The following TERF1 variants were observed in gnomAD, a reference collection of about 807,000 sequenced individuals.
The protein encoded by TERF1 is telomeric repeat-binding factor 1.
TERF1 carries 20 observed loss-of-function variants against 55.1 expected under a neutral mutation model. That is an observed-to-expected ratio of 0.36 (90% CI 0.26 to 0.53). The LOEUF (loss-of-function observed/expected upper bound fraction) is 0.53, where lower values mean the gene tolerates loss of function less well. TERF1 is among the 20% of genes least tolerant of loss of function. The probability of loss-of-function intolerance (pLI) is 0.91; values close to 1 mark genes in which losing one functional copy is unlikely to be tolerated. For synonymous variants in TERF1, 168 were observed against 181.2 expected (o/e 0.93, Z 0.59); for missense variants, 439 against 535.7 (o/e 0.82, Z 1.78).
intron 8 of TERF1, among the ~76,000 whole-genome samples, chr8:73,037,716 T>TTATATAGTATAA (rs1563471929): frequency 1.0e-4 from 9 of 88,374 alleles, no homozygotes; most frequent in African/African-American, 3.5e-4. Flanking sequence ...ATATTATATA[T>TTATATAGTATAA]AATATATATT....
intron 8 of TERF1, among the ~76,000 whole-genome samples, chr8:73,037,085 A>G (rs1809550430): frequency 7.4e-6 from 1 of 135,792 alleles, no homozygotes; most frequent in South Asian, 2.1e-4. Context: ...TATACTACAT[A>G]TAATATATAT....
chr8:73,034,121 T>TTTTG lies in TERF1; in HGVS notation c.1039+2012_1039+2015dup, dbSNP rs146008426. On this transcript the variant is annotated intron_variant, in intron 8 of 9. Coordinates refer to ENST00000276603, the MANE Select transcript of TERF1 (RefSeq NM_017489.3). ...CACATGCCGCCACACCCTGCTATTTTTTTGTTTGTTTGTTTGTTTGTTTGT... is the reference window on the plus strand; with the variant it reads ...CACATGCCGCCACACCCTGCTATTTTTTTGTTTGTTTGTTTGTTTGTTTGTTTGT... Among the ~76,000 whole-genome samples the TTTTG allele has an allele frequency of 8.6e-5, 13 of 150,404 alleles. 1 individual carries two copies. The highest frequency in any genetic ancestry group is 2.0e-4 in the Admixed American group (3 of 15,140).
intron 8 of TERF1, 83 bp downstream of exon 8, chr8:73,032,216 A>G (rs1369167115): frequency 1.1e-6 from 1 of 911,550 alleles, no homozygotes; most frequent in Non-Finnish European, 1.6e-6. Context: ...CACTATAGCA[A>G]AAAAACACAC....
chr8:73,025,790 G>GGT (rs1815839460), intron 5 of TERF1, among the ~76,000 whole-genome samples: 1 of 150,204 alleles, frequency 6.7e-6, no homozygotes, highest in South Asian at 2.1e-4. Context: ...AGCTGGGCAT[G>GGT]GTGGCATACA....
intron 6 of TERF1, among the ~76,000 whole-genome samples, chr8:73,028,486 C>G (rs1294015643): frequency 2.0e-5 from 3 of 152,014 alleles, no homozygotes; most frequent in Non-Finnish European, 2.9e-5. Flanking sequence ...TTAGATCACT[C>G]CCAGCTTAAA....
chr8:73,037,627 TATATATAAC>T (rs1809601410), intron 8 of TERF1, among the ~76,000 whole-genome samples: 1 of 102,124 alleles, frequency 9.8e-6, no homozygotes, highest in African/African-American at 4.1e-5. Context: ...TATTATATAT[TATATATAAC>T]ATATATAATA....
intron 4 of TERF1, among the ~76,000 whole-genome samples, chr8:73,022,658 A>C (rs548264834): frequency 6.6e-6 from 1 of 152,244 alleles, no homozygotes; most frequent in African/African-American, 2.4e-5. Flanking sequence ...TTAAAAAAGT[A>C]AAAAGAGGCC....
rs3832552 is a variant in TERF1, at chr8:73,009,048, CGAG to C, written c.186_188del (p.Glu62del). On this transcript the variant is annotated inframe_deletion, in exon 1 of 10. Coordinates refer to ENST00000276603, the MANE Select transcript of TERF1 (RefSeq NM_017489.3). Reference sequence around the variant, plus strand: ...AGTGCCAGGTGCAGGTGGGGGCCCCCGAGGAGGAGGAGGAGGAGGAGGAGGACG... The same window carrying C: ...AGTGCCAGGTGCAGGTGGGGGCCCCCGAGGAGGAGGAGGAGGAGGAGGACG... 8,447 of 1,438,948 alleles carry C rather than the reference CGAG, an allele frequency of 5.9e-3. No individual in the cohort carries two copies. Among genetic ancestry groups the C allele is most frequent in the Admixed American group, 0.018 (954 of 51,592 alleles). 89.1% of individuals were successfully genotyped at this position (1,438,948 alleles called of 1,614,324 possible). A position where few individuals can be genotyped will look rare whatever the true frequency, so the allele number is the denominator to read the frequency against.
At chr8:73,036,992 A>G (rs1809541226) in intron 8 of TERF1, among the ~76,000 whole-genome samples, 1 of 140,234 alleles carries the variant, frequency 7.1e-6, no homozygotes, top group Admixed American at 7.5e-5. Flanking sequence ...TTAATGGCCC[A>G]CAGTATGGTT....
chr8:73,025,070 T>G, intron 5 of TERF1, 99 bp downstream of exon 5: 1 of 788,546 alleles, frequency 1.3e-6, no homozygotes, highest in Non-Finnish European at 1.8e-6. Context: ...TTAATCAGAA[T>G]TTTTCATTGT....
intron 9 of TERF1, among the ~76,000 whole-genome samples, chr8:73,044,913 A>ATC (rs1809973897): frequency 6.6e-6 from 1 of 152,120 alleles, no homozygotes; most frequent in Admixed American, 6.6e-5. Context: ...AATTTTGTTT[A>ATC]TCCATTTATC....
intron 2 of TERF1, among the ~76,000 whole-genome samples, chr8:73,018,009 A>T (rs1002988587): frequency 6.6e-6 from 1 of 152,068 alleles, no homozygotes; most frequent in East Asian, 1.9e-4. Context: ...GCGCCTGGCC[A>T]TGCATCAATA....
chr8:73,024,841 T>G lies in TERF1; in HGVS notation c.644T>G (p.Leu215Arg), dbSNP rs549966818. ...CTTTAGCCTTTCAAAAGCAAATTGC[T>G]TATGATAATCTCTCAGAAAGATACA... ...NSHMPFKSKLLMIISQKDTFH... is the reference protein window; with the variant it reads ...NSHMPFKSKLRMIISQKDTFH... Residue 215 changes from leucine to arginine, a missense_variant, in exon 5 of 10, where the codon CTT (leucine) becomes CGT (arginine). Around this residue, in one of 4 missense-constraint regions of TERF1, gnomAD observed 95 missense variants for 167.2 expected, o/e 0.57. Coordinates refer to ENST00000276603, the MANE Select transcript of TERF1 (RefSeq NM_017489.3). 9.5e-6 allele frequency: 15 copies of G among 1,585,804 alleles called. No individual in the cohort carries two copies. In the South Asian group the frequency reaches 1.6e-4, roughly 17 times the overall value.
chr8:73,022,971 A>G (rs1279640675), intron 4 of TERF1, among the ~76,000 whole-genome samples: 2 of 152,194 alleles, frequency 1.3e-5, no homozygotes, highest in Non-Finnish European at 2.9e-5. Context: ...GTATTTGCAT[A>G]TAACATATGT....
In TERF1 at chr8:73,013,036, G is replaced by A. The variant is rs565529550; in HGVS notation, c.320-859G>A. ...GTGTATGGTCCAGATAATCTCTGGT[G>A]TAGCATAAGATTATGTTAGAATTGA... is the stretch of plus-strand genomic sequence containing the variant. On this transcript the variant is annotated intron_variant, in intron 1 of 9. Transcript: ENST00000276603. 3.3e-4 allele frequency: 137 copies of A among 410,498 alleles called. 4 individuals are homozygous for A. The highest frequency in any genetic ancestry group is 2.4e-3 in the South Asian group (137 of 57,578). The allele number at this position is 410,498 out of a possible 1,614,324, so 25.4% of individuals were successfully genotyped here.
intron 8 of TERF1, among the ~76,000 whole-genome samples, chr8:73,037,696 G>A (rs1365770884): frequency 2.4e-5 from 1 of 41,360 alleles, no homozygotes; most frequent in African/African-American, 8.9e-5. Context: ...ATATTATATA[G>A]TATAATATTA....
rs977283918 is a variant in TERF1 at position 73,008,922 on chromosome 8, G to C, written c.36G>C (p.Pro12=). 1.2e-6 allele frequency: 2 copies of C among 1,611,716 alleles called. No individual in the cohort carries two copies. The highest frequency in any genetic ancestry group is 1.7e-6 in the Non-Finnish European group (2 of 1,179,198). ...ATGTTTCCTCAGCGGCCCCGAGCCC[G>C]CGGGGCTGTGCGGATGGTAGGGATG... ...AEDVSSAAPS[P]RGCADGRDAD... The change falls in exon 1 of 10, where the codon CCG becomes CCC. Residue 12 remains proline, a synonymous_variant. Transcript: ENST00000276603.
At chr8:73,037,766 T>TATATATAATATATATATA (rs1563472086) in intron 8 of TERF1, among the ~76,000 whole-genome samples, 1,497 of 52,924 alleles carry the variant, frequency 0.028, 62 homozygotes, top group African/African-American at 0.079. Context: ...TATTATATAG[T>TATATATAATATATATATA]ATAATATATA....
At position 73,028,716 on chromosome 8, in the gene TERF1, G is replaced by C. The variant is rs184753077; in HGVS notation, c.888-1620G>C. ...TATCATTTTATTCTCTCCAAGGCAA[G>C]CTCTTCCTTGCCATTCAGTCTATCT... On this transcript the variant is annotated intron_variant, in intron 6 of 9. Coordinates refer to ENST00000276603, the MANE Select transcript of TERF1 (RefSeq NM_017489.3). Among the ~76,000 whole-genome samples the C allele has an allele frequency of 4.6e-3, 696 of 151,716 alleles. 7 individuals carry two copies. The highest frequency in any genetic ancestry group is 0.016 in the African/African-American group (651 of 41,338).
Sources: allele counts gnomAD v4.1 joint callset (sites outside exome capture counted in the v4.1 genomes callset), GRCh38; gene constraint gnomAD v4.1.1; regional missense constraint gnomAD v4.1.1; transcripts MANE v1.5; gene names NCBI Gene and HGNC (gene_info 2026-07-23, HGNC 2026-07-21).